SCN11A: variants seen among roughly 807,000 people sequenced by gnomAD.
SCN11A encodes sodium channel protein type 11 subunit alpha.
Under a neutral mutation model 162.2 loss-of-function variants are expected in SCN11A, and 122 were observed. The observed-to-expected ratio is 0.75, with a 90% confidence interval of 0.65 to 0.87. The LOEUF (loss-of-function observed/expected upper bound fraction) is 0.87. SCN11A is among the 40% of genes least tolerant of loss of function. SCN11A has a pLI of 0.00. For missense variants in SCN11A, 2,015 were observed against 2,181.6 expected (o/e 0.92, Z 1.52); for synonymous variants, 758 against 751.5 (o/e 1.01, Z -0.14).
intron 2 of SCN11A, among the ~76,000 whole-genome samples, chr3:38,980,267 T>A (rs568364018): frequency 3.2e-4 from 49 of 151,734 alleles, no homozygotes; most frequent in African/African-American, 1.0e-3. Flanking sequence ...ATTGAAAGAA[T>A]AGAATCATTT....
rs778916621 is a variant in SCN11A at position 38,904,150 on chromosome 3, C to A, written c.1604-47G>T. On this transcript the variant is annotated intron_variant, in intron 15 of 29. Coordinates refer to ENST00000302328, the MANE Select transcript of SCN11A (RefSeq NM_001349253.2). ...GTTGAGGAGTTAGCTCTGAAGCAAT[C>A]CAGATGCCCTTTGCCTGAGTGCATT... 6.2e-6 allele frequency: 8 copies of A among 1,281,410 alleles called. No homozygotes were observed. The African/African-American group carries it at 1.2e-4, about 19-fold the overall frequency. 79.4% of individuals were successfully genotyped at this position (1,281,410 alleles called of 1,614,324 possible). A position where few individuals can be genotyped will look rare whatever the true frequency, so the allele number is the denominator to read the frequency against.
intron 16 of SCN11A, among the ~76,000 whole-genome samples, chr3:38,901,956 A>G (rs543615171): frequency 1.3e-5 from 2 of 152,310 alleles, no homozygotes; most frequent in Admixed American, 1.3e-4. Context: ...TTCCAACTGC[A>G]AAATGTAGCT....
intron 7 of SCN11A, among the ~76,000 whole-genome samples, chr3:38,938,523 TATATATATATATATATATATATATATA>T (rs1559544903): frequency 0.011 from 165 of 15,340 alleles, 3 homozygotes; most frequent in African/African-American, 0.039. Context: ...TATATATATA[TATATATATATATATATATATATATATA>T]TTTTTTTTTT....
chr3:38,899,379 C>T (rs2065657969), intron 17 of SCN11A, among the ~76,000 whole-genome samples: 2 of 152,154 alleles, frequency 1.3e-5, no homozygotes, highest in Non-Finnish European at 2.9e-5. Context: ...AACTGGATAG[C>T]AGGCAAAGAC....
chr3:39,003,148 A>T (rs2030867602), intron 2 of SCN11A, among the ~76,000 whole-genome samples: 1 of 152,106 alleles, frequency 6.6e-6, no homozygotes, highest in Middle Eastern at 3.2e-3. Flanking sequence ...CCAGTACCGA[A>T]TAGCTATCAT....
chr3:38,990,769 A>G (rs2125594165), intron 2 of SCN11A, among the ~76,000 whole-genome samples: 1 of 152,244 alleles, frequency 6.6e-6, no homozygotes, highest in Middle Eastern at 3.4e-3. Context: ...TGGCATGAAA[A>G]GGTTAAGAAA....
chr3:38,974,981 G>T (rs1575343697), intron 2 of SCN11A, among the ~76,000 whole-genome samples: 1 of 150,106 alleles, frequency 6.7e-6, no homozygotes, highest in East Asian at 2.0e-4. Flanking sequence ...AGAAAATAAA[G>T]ATCGTGTACC....
At chr3:38,866,206 CT>C (rs35620716) in intron 27 of SCN11A, among the ~76,000 whole-genome samples, 13,584 of 143,420 alleles carry the variant, frequency 0.095, 751 homozygotes, top group Non-Finnish European at 0.13. Flanking sequence ...CTGAGAATTC[CT>C]TTTTTTTTTT....
intron 9 of SCN11A, among the ~76,000 whole-genome samples, chr3:38,924,436 C>T (rs952386544): frequency 2.0e-5 from 3 of 151,872 alleles, no homozygotes; most frequent in East Asian, 1.9e-4. Context: ...TGCAATGGGG[C>T]GATCCAGGCT....
intron 22 of SCN11A, among the ~76,000 whole-genome samples, chr3:38,882,067 T>C (rs9813655): frequency 0.014 from 2,125 of 152,324 alleles, 52 homozygotes; most frequent in African/African-American, 0.047. Flanking sequence ...AGTCTACAGG[T>C]AACCCTAGAC....
chr3:39,009,835 C>T (rs2031077154), intron 2 of SCN11A, among the ~76,000 whole-genome samples: 1 of 138,562 alleles, frequency 7.2e-6, no homozygotes. Flanking sequence ...CATCATCACG[C>T]TCAGCTAATT....
chr3:38,874,514 A>G (rs2065178519), intron 23 of SCN11A, among the ~76,000 whole-genome samples: 2 of 152,138 alleles, frequency 1.3e-5, no homozygotes, highest in South Asian at 2.1e-4. Context: ...AAAAGGATCA[A>G]TTGAGCTTGG....
intron 19 of SCN11A, among the ~76,000 whole-genome samples, chr3:38,890,107 T>C (rs1470009531): frequency 1.3e-5 from 2 of 152,112 alleles, no homozygotes; most frequent in African/African-American, 4.8e-5. Context: ...CCTCCACTCA[T>C]AGGGCAGAGA....
At chr3:39,028,815 C>T (rs187507551) in intron 2 of SCN11A, among the ~76,000 whole-genome samples, 27 of 152,272 alleles carry the variant, frequency 1.8e-4, no homozygotes, top group African/African-American at 6.3e-4. Context: ...AACTCCCCAT[C>T]GAGAACTAAC....
intron 3 of SCN11A, among the ~76,000 whole-genome samples, chr3:38,959,236 A>T (rs2066717057): frequency 6.6e-6 from 1 of 152,212 alleles, no homozygotes; most frequent in Non-Finnish European, 1.5e-5. Context: ...GGTGGGCATG[A>T]TTACATCATC....
chr3:38,954,457 T>C (rs2066657578), intron 3 of SCN11A, among the ~76,000 whole-genome samples: 1 of 152,160 alleles, frequency 6.6e-6, no homozygotes, highest in African/African-American at 2.4e-5. Flanking sequence ...GGTGCTGCCA[T>C]CCTAATGGGG....
Position 38,847,287 on chromosome 3 carries a change from CAAT to C in SCN11A, c.4780_4782del (p.Ile1594del). The C allele has an allele frequency of 6.2e-7, 1 of 1,614,172 alleles. No individual in the cohort carries two copies. Among genetic ancestry groups the C allele is most frequent in the Non-Finnish European group, 8.5e-7 (1 of 1,180,010 alleles). ...ATCACAGCAATGTACATGTTGACAA[CAAT>C]GAGAAAGGAGATGATAATGTAACTG... On this transcript the variant is annotated inframe_deletion, in exon 30 of 30. Transcript: ENST00000302328.
chr3:38,964,037 G>A (rs542421220), intron 2 of SCN11A, among the ~76,000 whole-genome samples: 66 of 152,200 alleles, frequency 4.3e-4, no homozygotes, highest in Non-Finnish European at 8.4e-4. Context: ...TACACACACA[G>A]GTCACTTGAG....
intron 7 of SCN11A, among the ~76,000 whole-genome samples, chr3:38,941,235 T>C (rs1212750633): frequency 6.6e-6 from 1 of 152,068 alleles, no homozygotes; most frequent in Non-Finnish European, 1.5e-5. Context: ...ACAGGAGGCA[T>C]AAAACATGGA....
Sources: allele counts gnomAD v4.1 joint callset (sites outside exome capture counted in the v4.1 genomes callset), GRCh38; gene constraint gnomAD v4.1.1; transcripts MANE v1.5; gene names NCBI Gene and HGNC (gene_info 2026-07-23, HGNC 2026-07-21).